The following ACTMAP variants were observed in gnomAD, a reference collection of about 807,000 sequenced individuals.
ACTMAP encodes the protein actin maturation protease.
chr19:40,749,045 C>A, the ACTMAP span, among the ~76,000 whole-genome samples: 1 of 140,844 alleles, frequency 7.1e-6, no homozygotes, highest in African/African-American at 2.7e-5. Context: ...GGCTGGAGTG[C>A]AGTGGCGCAA....
the ACTMAP span, chr19:40,742,465 G>A: frequency 6.8e-7 from 1 of 1,471,788 alleles, no homozygotes; most frequent in East Asian, 2.5e-5. Flanking sequence ...GTGAGGAGCA[G>A]GGCCTGGCCA....
At chr19:40,749,876 C>G in the ACTMAP span, 1 of 1,180,856 alleles carries the variant, frequency 8.5e-7, no homozygotes, top group Non-Finnish European at 1.1e-6. Context: ...AGAACGGTCT[C>G]AGGGATGGAG....
At chr19:40,741,276 TA>T in the ACTMAP span, 2 of 303,446 alleles carry the variant, frequency 6.6e-6, no homozygotes, top group South Asian at 3.0e-4. Context: ...GCCCCGTCTC[TA>T]CTAAAAATAC....
the ACTMAP span, chr19:40,744,630 C>T: frequency 6.2e-7 from 1 of 1,613,776 alleles, no homozygotes; most frequent in South Asian, 1.1e-5. Context: ...CAGGGGGACG[C>T]CACTGGGGGG....
the ACTMAP span, chr19:40,742,087 G>A: frequency 3.8e-6 from 2 of 522,246 alleles, no homozygotes; most frequent in East Asian, 5.0e-5. Context: ...GGCTAAGGAG[G>A]GGTGAGCTGA....
the ACTMAP span, chr19:40,742,632 TAGAC>T: frequency 6.2e-7 from 1 of 1,613,124 alleles, no homozygotes; most frequent in Admixed American, 1.7e-5. Flanking sequence ...GGACAGCAGG[TAGAC>T]AGCTCCCGGG....
At chr19:40,744,964 T>C in the ACTMAP span, 1 of 857,620 alleles carries the variant, frequency 1.2e-6, no homozygotes, top group Non-Finnish European at 1.8e-6. Context: ...CAACTATGTT[T>C]ACTATGCAGG....
At chr19:40,741,569 G>A in the ACTMAP span, 1 of 374,386 alleles carries the variant, frequency 2.7e-6, no homozygotes. Flanking sequence ...CATGAAGCTA[G>A]TAATCACACA....
At chr19:40,741,986 G>A in the ACTMAP span, 2 of 445,252 alleles carry the variant, frequency 4.5e-6, no homozygotes, top group East Asian at 1.4e-4. Flanking sequence ...AGGGCTGGGG[G>A]TGGGACTCAA....
the ACTMAP span, chr19:40,744,493 TC>T: frequency 6.3e-7 from 1 of 1,591,226 alleles, no homozygotes; most frequent in East Asian, 2.3e-5. Context: ...GCTGCCAGCA[TC>T]CCACCCAGCC....
At chr19:40,742,394 G>A in the ACTMAP span, 1 of 1,441,644 alleles carries the variant, frequency 6.9e-7, no homozygotes, top group Non-Finnish European at 9.1e-7. Context: ...ACTTCAAATG[G>A]TTACCGAGCT....
chr19:40,749,848 G>A, the ACTMAP span: 3 of 1,321,200 alleles, frequency 2.3e-6, no homozygotes, highest in Non-Finnish European at 3.0e-6. Flanking sequence ...AAGCGGGGAG[G>A]GAAGGATCCT....
At chr19:40,744,761 T>C in the ACTMAP span, 2 of 1,504,882 alleles carry the variant, frequency 1.3e-6, no homozygotes, top group African/African-American at 2.8e-5. Flanking sequence ...GGAACAGGTT[T>C]GCTGCCCTGG....
chr19:40,742,182 G>C, the ACTMAP span: 1 of 666,346 alleles, frequency 1.5e-6, no homozygotes, highest in South Asian at 1.5e-5. Flanking sequence ...AGATGACAGA[G>C]GCGGCCCCTA....
At chr19:40,742,114 T>C in the ACTMAP span, 35 of 558,176 alleles carry the variant, frequency 6.3e-5, no homozygotes, top group Admixed American at 1.5e-4. Flanking sequence ...CGCAGTTCAG[T>C]GTCCCTGTCC....
the ACTMAP span, chr19:40,744,021 C>T: frequency 5.0e-6 from 8 of 1,614,002 alleles, 1 homozygote; most frequent in South Asian, 2.2e-5. Flanking sequence ...CCCTGGGACC[C>T]ACCCTTTGCC....
At chr19:40,747,732 G>A in the ACTMAP span, among the ~76,000 whole-genome samples, 1 of 152,066 alleles carries the variant, frequency 6.6e-6, no homozygotes, top group African/African-American at 2.4e-5. Context: ...CGGGCATGGT[G>A]GCGCACATCT....
At chr19:40,745,499 A>C in the ACTMAP span, among the ~76,000 whole-genome samples, 1 of 152,132 alleles carries the variant, frequency 6.6e-6, no homozygotes, top group East Asian at 1.9e-4. Context: ...AATTTCTCAA[A>C]GTGGTATCTC....
At chr19:40,744,069 G>T in the ACTMAP span, 5 of 1,613,936 alleles carry the variant, frequency 3.1e-6, no homozygotes, top group Non-Finnish European at 4.2e-6. Context: ...TGGGATACGG[G>T]ATGAGCAGGG....
Sources: allele counts gnomAD v4.1 joint callset (sites outside exome capture counted in the v4.1 genomes callset), GRCh38; gene constraint gnomAD v4.1.1; transcripts MANE v1.5; gene names NCBI Gene and HGNC (gene_info 2026-07-23, HGNC 2026-07-21).